The following CBLB variants were observed in gnomAD, a reference collection of about 807,000 sequenced individuals.
CBLB encodes Cbl proto-oncogene B.
CBLB carries 31 observed loss-of-function variants against 104.9 expected under a neutral mutation model. The observed-to-expected ratio is 0.30, with a 90% CI of 0.22 to 0.40. The LOEUF is 0.40. Among genes scored for constraint, CBLB ranks in the 10% least tolerant of loss-of-function variants. CBLB has a pLI of 1.00. For synonymous variants in CBLB, 440 were observed against 422.6 expected, an observed-to-expected ratio of 1.04 and a Z score of -0.51; for missense variants, 1,062 against 1,214.6, an observed-to-expected ratio of 0.87 and a Z score of 1.87.
At chr3:105,839,450 A>G (rs2089203036) in intron 3 of CBLB, 1 of 152,236 alleles carries the variant, frequency 6.6e-6, no homozygotes, top group African/African-American at 2.4e-5. Context: ...GAAGATCACA[A>G]TGGTAATTCA....
intron 3 of CBLB, among the ~76,000 whole-genome samples, chr3:105,799,363 T>C (rs2082591492): frequency 6.6e-6 from 1 of 152,186 alleles, no homozygotes; most frequent in Non-Finnish European, 1.5e-5. Flanking sequence ...ACTTTTCAGC[T>C]ATCTTTACAT....
chr3:105,747,687 CTG>C (rs2076243187), intron 5 of CBLB, among the ~76,000 whole-genome samples: 1 of 152,086 alleles, frequency 6.6e-6, no homozygotes. Flanking sequence ...TGAGCAATAA[CTG>C]TTATTCTAGA....
intron 2 of CBLB, among the ~76,000 whole-genome samples, chr3:105,866,447 T>G (rs901417137): frequency 5.9e-5 from 9 of 152,210 alleles, no homozygotes; most frequent in Non-Finnish European, 8.8e-5. Context: ...AGATACTGAG[T>G]CTTGCCTCAA....
At chr3:105,818,504 A>G (rs2085367584) in intron 3 of CBLB, among the ~76,000 whole-genome samples, 1 of 152,152 alleles carries the variant, frequency 6.6e-6, no homozygotes, top group Non-Finnish European at 1.5e-5. Flanking sequence ...TCTTCACTTC[A>G]ATAAAAATGC....
chr3:105,697,503 T>C (rs1407988468), intron 12 of CBLB, among the ~76,000 whole-genome samples: 1 of 152,006 alleles, frequency 6.6e-6, no homozygotes, highest in Non-Finnish European at 1.5e-5. Context: ...TGTAAACCCC[T>C]ACACATGCTA....
intron 4 of CBLB, among the ~76,000 whole-genome samples, chr3:105,772,206 C>G (rs1319695379): frequency 6.6e-6 from 1 of 152,034 alleles, no homozygotes. Context: ...AACAGAGAAC[C>G]CAGAAGTAAA....
chr3:105,759,245 T>C (rs965758447), intron 4 of CBLB, among the ~76,000 whole-genome samples: 1 of 152,170 alleles, frequency 6.6e-6, no homozygotes, highest in African/African-American at 2.4e-5. Flanking sequence ...TGGCTGGGTC[T>C]GGAGTTTTTC....
chr3:105,847,049 T>C (rs1040910319), intron 3 of CBLB, among the ~76,000 whole-genome samples: 3 of 152,092 alleles, frequency 2.0e-5, no homozygotes, highest in Non-Finnish European at 4.4e-5. Context: ...GCAGCTTTTG[T>C]TTTGTTGTTG....
At chr3:105,807,996 T>C (rs1473617287) in intron 3 of CBLB, among the ~76,000 whole-genome samples, 1 of 152,202 alleles carries the variant, frequency 6.6e-6, no homozygotes. Context: ...CTCTATGTTA[T>C]AAAATTAGAA....
rs895913541 is a variant in CBLB, at chr3:105,770,082, G to T, written c.566+6314C>A. On this transcript the variant is annotated intron_variant, in intron 4 of 18. Transcript: ENST00000394030. ...CTAAATCTTCTCAATGCTAATTTTT[G>T]TTTTTTTTTTTTTTTCAAGATGGCA... 1.2e-3 allele frequency among the ~76,000 whole-genome samples: 167 copies of T among 142,644 alleles called. 2 individuals are homozygous for T. The highest frequency in any genetic ancestry group is 3.6e-3 in the African/African-American group (138 of 38,362). 93.6% of individuals were successfully genotyped at this position (142,644 alleles called of 152,430 possible).
intron 2 of CBLB, among the ~76,000 whole-genome samples, chr3:105,854,929 C>A (rs2091419787): frequency 6.6e-6 from 1 of 152,160 alleles, no homozygotes; most frequent in Non-Finnish European, 1.5e-5. Flanking sequence ...CCGTACCCGG[C>A]CTAAGAGTAT....
chr3:105,708,667 G>C (rs901600126), intron 10 of CBLB, among the ~76,000 whole-genome samples: 2 of 151,744 alleles, frequency 1.3e-5, no homozygotes, highest in Admixed American at 6.6e-5. Flanking sequence ...ATAATATAAA[G>C]AGGCCATGCA....
chr3:105,768,217 G>A (rs1029593852), intron 4 of CBLB, among the ~76,000 whole-genome samples: 7 of 152,170 alleles, frequency 4.6e-5, no homozygotes, highest in Admixed American at 3.3e-4. Context: ...AGAGCTTAGC[G>A]AAGTTTAAGA....
At chr3:105,711,576 A>G (rs2071092500) in intron 10 of CBLB, among the ~76,000 whole-genome samples, 1 of 152,120 alleles carries the variant, frequency 6.6e-6, no homozygotes, top group East Asian at 1.9e-4. Context: ...GAGTACCTCC[A>G]CAGATAATAA....
At chr3:105,791,977 C>T (rs184261083) in intron 3 of CBLB, among the ~76,000 whole-genome samples, 48 of 152,250 alleles carry the variant, frequency 3.2e-4, no homozygotes, top group Admixed American at 1.2e-3. Context: ...AAAAACTACA[C>T]GGAGTGGTGA....
At chr3:105,737,074 A>G in intron 8 of CBLB, 97 bp downstream of exon 8, 1 of 540,132 alleles carries the variant, frequency 1.9e-6, no homozygotes, top group Middle Eastern at 3.1e-4. Context: ...TGTATTAAAT[A>G]CCTGTGCATG....
At chr3:105,747,615 A>G (rs2152899225) in intron 5 of CBLB, among the ~76,000 whole-genome samples, 1 of 152,336 alleles carries the variant, frequency 6.6e-6, no homozygotes, top group East Asian at 1.9e-4. Context: ...TTTCTTCCTA[A>G]TGCATGACTA....
chr3:105,765,303 T>C lies in CBLB; in HGVS notation c.566+11093A>G, dbSNP rs78508680. ...CATGCAATATGCAATTACTTGCATA[T>C]GTACCCCCTAAATAACCTCCAAAAT... is the stretch of plus-strand genomic sequence containing the variant. On this transcript the variant is annotated intron_variant, in intron 4 of 18. Transcript: ENST00000394030. Among the ~76,000 whole-genome samples, 1,248 of 152,282 alleles carry C rather than the reference T, an allele frequency of 8.2e-3. 16 individuals are homozygous for C. The highest frequency in any genetic ancestry group is 0.029 in the African/African-American group (1,190 of 41,552).
chr3:105,770,082 G>GT (rs397874009), intron 4 of CBLB, among the ~76,000 whole-genome samples: 2,231 of 142,584 alleles, frequency 0.016, 21 homozygotes, highest in Middle Eastern at 0.05. Context: ...GCTAATTTTT[G>GT]TTTTTTTTTT....
Sources: gnomAD v4.1 joint callset for allele counts (sites outside exome capture counted in the v4.1 genomes callset) on GRCh38, gnomAD v4.1.1 for gene constraint, MANE v1.5 for transcripts, NCBI Gene and HGNC (gene_info 2026-07-23, HGNC 2026-07-21) for gene names.